The following SGCD variants were observed in gnomAD, a reference collection of about 807,000 sequenced individuals.
The protein encoded by SGCD is sarcoglycan delta.
A neutral mutation model predicts 36.6 loss-of-function variants in SGCD; 18 were observed. The ratio of observed to expected loss-of-function variants is 0.49; its 90% CI spans 0.34 to 0.73. The LOEUF (loss-of-function observed/expected upper bound fraction) is 0.73, where lower values mean the gene tolerates loss of function less well. SGCD is among the 30% of genes least tolerant of loss of function. The probability of loss-of-function intolerance (pLI) is 0.01; values close to 1 mark genes in which losing one functional copy is unlikely to be tolerated. For missense variants in SGCD, 387 were observed against 346.7 expected, an observed-to-expected ratio of 1.12 and a Z score of -0.92; for synonymous variants, 133 against 130.6, an observed-to-expected ratio of 1.02 and a Z score of -0.12.
intron 1 of SGCD, among the ~76,000 whole-genome samples, chr5:156,043,556 C>T (rs950891647): frequency 2.0e-5 from 3 of 152,164 alleles, no homozygotes; most frequent in African/African-American, 7.2e-5. Context: ...CTTCTTAAGA[C>T]ACTTTCTCAG....
the SGCD span, among the ~76,000 whole-genome samples, chr5:155,848,780 G>A: frequency 6.6e-6 from 1 of 152,144 alleles, no homozygotes; most frequent in Non-Finnish European, 1.5e-5. Context: ...ACAGTGTATT[G>A]CAGTAGAAGA....
At chr5:155,783,417 A>C in the SGCD span, among the ~76,000 whole-genome samples, 1 of 152,190 alleles carries the variant, frequency 6.6e-6, no homozygotes. Context: ...GCATCATACT[A>C]AAATTCTGGG....
At chr5:156,482,925 T>C (rs1755503262) in intron 3 of SGCD, among the ~76,000 whole-genome samples, 1 of 149,276 alleles carries the variant, frequency 6.7e-6, no homozygotes, top group Non-Finnish European at 1.5e-5. Flanking sequence ...TGGAGAATTC[T>C]TTGTTGCACA....
intron 6 of SGCD, among the ~76,000 whole-genome samples, chr5:156,634,357 G>T (rs1762744441): frequency 6.6e-6 from 1 of 152,082 alleles, no homozygotes; most frequent in South Asian, 2.1e-4. Flanking sequence ...AAATCACCAT[G>T]GCACATGTTT....
At chr5:155,795,954 T>A in the SGCD span, among the ~76,000 whole-genome samples, 1 of 152,172 alleles carries the variant, frequency 6.6e-6, no homozygotes, top group African/African-American at 2.4e-5. Context: ...ACCATTGTTT[T>A]AAAATATTTA....
intron 3 of SGCD, among the ~76,000 whole-genome samples, chr5:156,309,406 C>A (rs1166170374): frequency 6.6e-6 from 1 of 151,796 alleles, no homozygotes; most frequent in East Asian, 1.9e-4. Flanking sequence ...TTCAAAATTG[C>A]TGATTCTTTC....
chr5:156,079,116 G>A (rs1373763423), intron 1 of SGCD, among the ~76,000 whole-genome samples: 1 of 151,984 alleles, frequency 6.6e-6, no homozygotes, highest in African/African-American at 2.4e-5. Flanking sequence ...AAAGGGGGAG[G>A]AGGCACATCA....
At chr5:156,300,983 C>G (rs1001921621) in intron 3 of SGCD, among the ~76,000 whole-genome samples, 2 of 151,910 alleles carry the variant, frequency 1.3e-5, no homozygotes, top group African/African-American at 4.8e-5. Flanking sequence ...CCTCTGTTTT[C>G]AATCTATGTG....
chr5:155,912,112 C>A lies in SGCD; in HGVS notation c.-282+41688C>A, dbSNP rs567854618. On this transcript the variant is annotated intron_variant, in intron 1 of 9. Coordinates refer to the SGCD transcript ENST00000517913. ...ATTCTCCACTTTAGTGGAACTGATACCTCCTTTGTTTCTGGAATTTCACAA... is the reference window on the plus strand; with the variant it reads ...ATTCTCCACTTTAGTGGAACTGATAACTCCTTTGTTTCTGGAATTTCACAA... Among the ~76,000 whole-genome samples, 6 of 152,132 alleles carry A rather than the reference C, an allele frequency of 3.9e-5. No homozygotes were observed. The East Asian group carries it at 1.2e-3, about 30-fold the overall frequency.
In SGCD at chr5:156,155,610, TA is replaced by T. The variant is rs1475919743; in HGVS notation, c.-44+31592del. Among the ~76,000 whole-genome samples the T allele has an allele frequency of 5.1e-4, 46 of 90,396 alleles. 2 individuals carry two copies. The highest frequency in any genetic ancestry group is 1.8e-3 in the African/African-American group (45 of 24,912). 59.3% of individuals were successfully genotyped at this position (90,396 alleles called of 152,430 possible). Reference sequence around the variant, plus strand: ...AGACAAACCTAGTAATGTCGTGGGCTAGGAAAAAAAAAAAAAAAAAAGAAGC... The same window carrying T: ...AGACAAACCTAGTAATGTCGTGGGCTGGAAAAAAAAAAAAAAAAAAGAAGC... On this transcript the variant is annotated intron_variant, in intron 3 of 9. Coordinates refer to the SGCD transcript ENST00000517913.
At chr5:155,734,106 T>G in the SGCD span, among the ~76,000 whole-genome samples, 4 of 147,522 alleles carry the variant, frequency 2.7e-5, no homozygotes, top group Non-Finnish European at 4.5e-5. Flanking sequence ...TATTATTAAT[T>G]ATATTAATTA....
intron 1 of SGCD, among the ~76,000 whole-genome samples, chr5:155,939,838 C>CT (rs78904259): frequency 0.013 from 1,770 of 139,776 alleles, 15 homozygotes; most frequent in Middle Eastern, 0.023. Context: ...CCAAATGTCT[C>CT]TTTTTTTTTT....
intron 1 of SGCD, among the ~76,000 whole-genome samples, chr5:156,072,850 A>G (rs1413909746): frequency 1.3e-5 from 2 of 151,894 alleles, no homozygotes; most frequent in African/African-American, 2.4e-5. Flanking sequence ...TTTTTTCTCT[A>G]AACTTCCCTT....
At chr5:155,779,693 A>G in the SGCD span, among the ~76,000 whole-genome samples, 1 of 152,130 alleles carries the variant, frequency 6.6e-6, no homozygotes, top group East Asian at 1.9e-4. Context: ...CTCCTGGGCC[A>G]TAGCACATAT....
the SGCD span, among the ~76,000 whole-genome samples, chr5:155,755,187 A>G: frequency 0.039 from 5,907 of 152,252 alleles, 363 homozygotes; most frequent in African/African-American, 0.13. Flanking sequence ...ATTAACTTTA[A>G]TTTACTGAAA....
intron 7 of SGCD, among the ~76,000 whole-genome samples, chr5:156,667,103 A>G (rs1753077827): frequency 6.6e-6 from 1 of 152,230 alleles, no homozygotes; most frequent in Non-Finnish European, 1.5e-5. Flanking sequence ...CAAATTTCAG[A>G]TTTTCAGATT....
the SGCD span, among the ~76,000 whole-genome samples, chr5:155,768,353 C>T: frequency 6.6e-6 from 1 of 151,684 alleles, no homozygotes; most frequent in Non-Finnish European, 1.5e-5. Flanking sequence ...TTTACCCACT[C>T]ATTCCTGCAT....
chr5:156,330,292 G>A (rs1489161830), intron 2 of SGCD, among the ~76,000 whole-genome samples: 1 of 152,114 alleles, frequency 6.6e-6, no homozygotes, highest in East Asian at 1.9e-4. Context: ...AAGCATCTTG[G>A]ATAGTTTCCT....
intron 4 of SGCD, among the ~76,000 whole-genome samples, chr5:156,550,148 T>G (rs571210588): frequency 1.3e-5 from 2 of 152,288 alleles, no homozygotes; most frequent in East Asian, 3.9e-4. Context: ...TAGCTCCCAA[T>G]CACACTGCTA....
Sources: gnomAD v4.1 joint callset for allele counts (sites outside exome capture counted in the v4.1 genomes callset) on GRCh38, gnomAD v4.1.1 for gene constraint, MANE v1.5 for transcripts, NCBI Gene and HGNC (gene_info 2026-07-23, HGNC 2026-07-21) for gene names.